The following CNKSR3 variants were observed in gnomAD, a reference collection of about 807,000 sequenced individuals.
CNKSR3 encodes the protein CNKSR family member 3, also known as connector enhancer of kinase suppressor of ras 3.
CNKSR3 carries 36 observed loss-of-function variants against 67.7 expected under a neutral mutation model. That is an observed-to-expected ratio of 0.53 (90% CI 0.41 to 0.70). CNKSR3 has a LOEUF of 0.70. Among genes scored for constraint, CNKSR3 ranks in the 30% least tolerant of loss-of-function variants. The probability of loss-of-function intolerance (pLI) is 0.00; values close to 1 mark genes in which losing one functional copy is unlikely to be tolerated. For missense variants in CNKSR3, 630 were observed against 695.2 expected (o/e 0.91, Z 1.05); for synonymous variants, 281 against 271.4 (o/e 1.04, Z -0.35).
chr6:154,499,537 A>G (rs972510732), intron 1 of CNKSR3, among the ~76,000 whole-genome samples: 6 of 152,222 alleles, frequency 3.9e-5, no homozygotes, highest in Admixed American at 3.9e-4. Flanking sequence ...GACGCCCCGC[A>G]TGTATGTGCC....
At chr6:154,439,475 T>G (rs1381377183) in intron 4 of CNKSR3, among the ~76,000 whole-genome samples, 1 of 152,246 alleles carries the variant, frequency 6.6e-6, no homozygotes, top group Non-Finnish European at 1.5e-5. Flanking sequence ...ACAGCCTGAA[T>G]CAGCCACACA....
rs1337788557 is a variant in CNKSR3, at chr6:154,399,428, GA to G, written c.*6925del. 2 of 152,114 alleles carry G rather than the reference GA, an allele frequency of 1.3e-5. No homozygotes were observed. The highest frequency in any genetic ancestry group is 2.9e-5 in the Non-Finnish European group (2 of 68,040). 9.4% of individuals were successfully genotyped at this position (152,114 alleles called of 1,614,324 possible). On this transcript the variant is annotated 3_prime_UTR_variant, in exon 13 of 13. Coordinates refer to ENST00000607772, the MANE Select transcript of CNKSR3 (RefSeq NM_173515.4). ...TCTCATTTAATCACCATAAGCCTTC[GA>G]AGTAGATGCTAGTATTATCCCCATT... is the stretch of plus-strand genomic sequence containing the variant.
rs112666253 is a variant in CNKSR3 at position 154,484,770 on chromosome 6, C to G, written c.52+25293G>C. ...TAAATATGATTATCCCCTTCCCCCT[C>G]CCCCAAAGAAAATGAATAAATACTT... On this transcript the variant is annotated intron_variant, in intron 1 of 12. Coordinates refer to ENST00000607772, the MANE Select transcript of CNKSR3 (RefSeq NM_173515.4). Among the ~76,000 whole-genome samples, 1,286 of 151,916 alleles carry G rather than the reference C, an allele frequency of 8.5e-3. 18 individuals are homozygous for G. Among genetic ancestry groups the G allele is most frequent in the African/African-American group, 0.03 (1,230 of 41,408 alleles).
intron 1 of CNKSR3, among the ~76,000 whole-genome samples, chr6:154,496,664 T>G (rs1786885009): frequency 6.6e-6 from 1 of 152,202 alleles, no homozygotes; most frequent in Non-Finnish European, 1.5e-5. Flanking sequence ...AAAGGTCAAA[T>G]AGTCCCCATT....
Position 154,406,785 on chromosome 6 carries a change from T to C in CNKSR3, c.1370-133A>G, listed in dbSNP as rs572239575. 46 of 732,126 alleles carry C rather than the reference T, an allele frequency of 6.3e-5. 1 individual carries two copies. The Admixed American group carries it at 1.2e-3, about 19-fold the overall frequency. 45.4% of individuals were successfully genotyped at this position (732,126 alleles called of 1,614,324 possible). A position where few individuals can be genotyped will look rare whatever the true frequency, so the allele number is the denominator to read the frequency against. On this transcript the variant is annotated intron_variant, in intron 12 of 12. Transcript: ENST00000607772. ...GAGATCTAGACCATCCTGGCCAACA[T>C]GGTGAAACCCCGTCTCTACTGAAAA... is the stretch of plus-strand genomic sequence containing the variant.
intron 1 of CNKSR3, among the ~76,000 whole-genome samples, chr6:154,481,592 GGC>G (rs2114639402): frequency 6.6e-6 from 1 of 152,272 alleles, no homozygotes; most frequent in South Asian, 2.1e-4. Context: ...GAGGAACACA[GGC>G]ACATGCTGCC....
intron 1 of CNKSR3, among the ~76,000 whole-genome samples, chr6:154,458,641 C>T (rs989245037): frequency 1.3e-5 from 2 of 152,086 alleles, no homozygotes; most frequent in African/African-American, 4.8e-5. Flanking sequence ...TGCCACTAAT[C>T]TGATTTCTAC....
chr6:154,409,900 A>G (rs1584050565), intron 12 of CNKSR3, among the ~76,000 whole-genome samples: 1 of 149,868 alleles, frequency 6.7e-6, no homozygotes, highest in African/African-American at 2.5e-5. Flanking sequence ...AAAAAAAATT[A>G]GCCAGCCGTG....
chr6:154,509,351 T>C (rs921306819), intron 1 of CNKSR3, among the ~76,000 whole-genome samples: 1 of 125,262 alleles, frequency 8.0e-6, no homozygotes, highest in African/African-American at 3.0e-5. Flanking sequence ...ATCCCAAATA[T>C]TGTATGAATC....
intron 9 of CNKSR3, among the ~76,000 whole-genome samples, chr6:154,418,621 C>T (rs9479842): frequency 0.057 from 8,693 of 152,160 alleles, 336 homozygotes; most frequent in Middle Eastern, 0.082. Context: ...CAATTACCTA[C>T]AAGGAATTAG....
chr6:154,454,830 A>C (rs1012370201), intron 1 of CNKSR3, among the ~76,000 whole-genome samples: 15 of 151,958 alleles, frequency 9.9e-5, no homozygotes, highest in African/African-American at 3.1e-4. Context: ...CAGAAAAAAA[A>C]AAAATAATAA....
intron 12 of CNKSR3, among the ~76,000 whole-genome samples, chr6:154,408,110 C>T (rs750029525): frequency 5.9e-5 from 9 of 152,040 alleles, no homozygotes; most frequent in African/African-American, 9.7e-5. Flanking sequence ...CTGAAACCTC[C>T]GCCTCCCAGG....
At chr6:154,429,266 G>A (rs941705934) in intron 6 of CNKSR3, among the ~76,000 whole-genome samples, 2 of 152,144 alleles carry the variant, frequency 1.3e-5, no homozygotes, top group Non-Finnish European at 2.9e-5. Context: ...AAATTATGCT[G>A]CACCCAGCCT....
chr6:154,476,656 G>A (rs1455734174), intron 1 of CNKSR3, among the ~76,000 whole-genome samples: 2 of 152,124 alleles, frequency 1.3e-5, no homozygotes, highest in African/African-American at 4.8e-5. Context: ...GCATTCTGGG[G>A]TCACTCGGCA....
chr6:154,414,438 A>G lies in CNKSR3; in HGVS notation c.946-15T>C, dbSNP rs1274625073. The G allele has an allele frequency of 6.4e-7, 1 of 1,574,662 alleles. No homozygotes were observed. The highest frequency in any genetic ancestry group is 2.2e-5 in the East Asian group (1 of 44,662). On this transcript the variant is annotated splice_polypyrimidine_tract_variant and intron_variant, in intron 9 of 12. Transcript: ENST00000607772. Reference sequence around the variant, plus strand: ...GGAGGTGAGGTCTGAAACAGGAGTAACACAGCAATGCAAAGAGTGGAGATC... The same window carrying G: ...GGAGGTGAGGTCTGAAACAGGAGTAGCACAGCAATGCAAAGAGTGGAGATC...
chr6:154,448,262 C>T (rs921953931), intron 2 of CNKSR3, among the ~76,000 whole-genome samples: 6 of 151,876 alleles, frequency 4.0e-5, no homozygotes, highest in Non-Finnish European at 5.9e-5. Context: ...GCATGTGATG[C>T]GTCTCTAGCT....
At chr6:154,504,371 C>A (rs1787056217) in intron 1 of CNKSR3, among the ~76,000 whole-genome samples, 1 of 152,160 alleles carries the variant, frequency 6.6e-6, no homozygotes, top group African/African-American at 2.4e-5. Flanking sequence ...TGAAAGACTT[C>A]ACTGCTCAGA....
At chr6:154,482,998 T>C (rs925571437) in intron 1 of CNKSR3, among the ~76,000 whole-genome samples, 2 of 152,248 alleles carry the variant, frequency 1.3e-5, no homozygotes, top group Non-Finnish European at 2.9e-5. Flanking sequence ...GCATTCATTA[T>C]CTGTTTCCTC....
rs1225163502 is a variant in CNKSR3, at chr6:154,455,874, AG to A, written c.53-5617del. ...AACAAAATAAAACTCCAAGCCTCTC[AG>A]TATCAGTCTTTGACAAGATACCTGC... On this transcript the variant is annotated intron_variant, in intron 1 of 12. Transcript: ENST00000607772. 3.6e-5 allele frequency among the ~76,000 whole-genome samples: 3 copies of A among 83,858 alleles called. No homozygotes were observed. In the East Asian group the frequency reaches 2.4e-3, roughly 67 times the overall value. 55.0% of individuals were successfully genotyped at this position (83,858 alleles called of 152,430 possible).
Sources: allele counts gnomAD v4.1 joint callset (sites outside exome capture counted in the v4.1 genomes callset), GRCh38; gene constraint gnomAD v4.1.1; transcripts MANE v1.5; gene names NCBI Gene and HGNC (gene_info 2026-07-23, HGNC 2026-07-21).